TMEM184B: variants seen among roughly 807,000 people sequenced by gnomAD.
TMEM184B encodes transmembrane protein 184B.
In TMEM184B, 17 loss-of-function variants were observed where a neutral mutation model predicts 41.8. That is an observed-to-expected ratio of 0.41 (90% confidence interval 0.28 to 0.61). The LOEUF is 0.61. TMEM184B is among the 20% of genes least tolerant of loss of function. TMEM184B has a pLI of 0.34. For synonymous variants in TMEM184B, 240 were observed against 229.5 expected, an observed-to-expected ratio of 1.05 and a Z score of -0.41; for missense variants, 393 against 557.8, an observed-to-expected ratio of 0.70 and a Z score of 2.98.
At chr22:38,258,841 A>C (rs1442256220) in intron 1 of TMEM184B, among the ~76,000 whole-genome samples, 2 of 152,180 alleles carry the variant, frequency 1.3e-5, no homozygotes, top group East Asian at 3.8e-4. Context: ...AGCGTTCTGA[A>C]TTCTAGAACA....
At position 38,220,060 on chromosome 22, in the gene TMEM184B, T is replaced by A; in HGVS notation, c.*1409A>T. On this transcript the variant is annotated 3_prime_UTR_variant, in exon 9 of 9. Coordinates refer to ENST00000361906, the MANE Select transcript of TMEM184B (RefSeq NM_012264.5). ...CCCTTACCCTACCAGCTTCTCCAGGTGACTGCAGCCCAAACCCAGGGATAA... is the reference window on the plus strand; with the variant it reads ...CCCTTACCCTACCAGCTTCTCCAGGAGACTGCAGCCCAAACCCAGGGATAA... The A allele has an allele frequency of 1.0e-6, 1 of 985,470 alleles. No homozygotes were observed. The highest frequency in any genetic ancestry group is 1.2e-6 in the Non-Finnish European group (1 of 829,992). 61.0% of individuals were successfully genotyped at this position (985,470 alleles called of 1,614,324 possible). A position where few individuals can be genotyped will look rare whatever the true frequency, so the allele number is the denominator to read the frequency against.
In TMEM184B at chr22:38,224,497, G is replaced by A. The variant is rs559962980; in HGVS notation, c.982+288C>T. ...GTAACCACAGTGTTGGGAGTTAGAA[G>A]CCCGAGGGAATTTGTCTATTCATTA... is the stretch of plus-strand genomic sequence containing the variant. On this transcript the variant is annotated intron_variant, in intron 8 of 8. Transcript: ENST00000361906. Among the ~76,000 whole-genome samples the A allele has an allele frequency of 2.6e-5, 4 of 152,340 alleles. No homozygotes were observed. The South Asian group carries it at 8.3e-4, about 32-fold the overall frequency.
At chr22:38,266,102 T>A (rs973529454) in intron 1 of TMEM184B, among the ~76,000 whole-genome samples, 1 of 152,056 alleles carries the variant, frequency 6.6e-6, no homozygotes, top group Non-Finnish European at 1.5e-5. Context: ...CTTCCGGAGG[T>A]CTCACTGCAC....
chr22:38,224,739 C>A (rs868180528), intron 8 of TMEM184B, 46 bp downstream of exon 8: 2 of 1,521,088 alleles, frequency 1.3e-6, no homozygotes, highest in Admixed American at 4.0e-5. Flanking sequence ...ATGTTTGGGG[C>A]TCCCTGCTTC....
In TMEM184B at chr22:38,219,819, T is replaced by C; in HGVS notation, c.*1650A>G. ...CCTCAGCCTGTGTCTGCACCCACCC[T>C]CCCGGGCAGCTTGGGCCCAACTGCT... On this transcript the variant is annotated 3_prime_UTR_variant, in exon 9 of 9. Coordinates refer to ENST00000361906, the MANE Select transcript of TMEM184B (RefSeq NM_012264.5). 1 of 985,380 alleles carries C rather than the reference T, an allele frequency of 1.0e-6. No individual in the cohort carries two copies. Among genetic ancestry groups the C allele is most frequent in the Non-Finnish European group, 1.2e-6 (1 of 829,946 alleles). The allele number at this position is 985,380 out of a possible 1,614,324, so 61.0% of individuals were successfully genotyped here.
At chr22:38,237,384 C>T (rs1410877012) in intron 3 of TMEM184B, among the ~76,000 whole-genome samples, 1 of 152,238 alleles carries the variant, frequency 6.6e-6, no homozygotes, top group Non-Finnish European at 1.5e-5. Flanking sequence ...AATACACACT[C>T]GCTGTGTGCC....
At chr22:38,272,389 G>T in intron 1 of TMEM184B, 2 of 809,656 alleles carry the variant, frequency 2.5e-6, no homozygotes, top group Non-Finnish European at 3.0e-6. Flanking sequence ...GCGGACCTGT[G>T]TGGCGGGCGT....
At chr22:38,218,311 G>C (rs2091174872), downstream of TMEM184B, among the ~76,000 whole-genome samples, 1 of 152,160 alleles carries the variant, frequency 6.6e-6, no homozygotes. Context: ...ACGGCAATTG[G>C]GGTTTGAATC....
At chr22:38,234,095 A>C (rs2091708324) in intron 3 of TMEM184B, among the ~76,000 whole-genome samples, 1 of 152,028 alleles carries the variant, frequency 6.6e-6, no homozygotes, top group South Asian at 2.1e-4. Flanking sequence ...AGACTGCCAC[A>C]CCTCGTGATG....
intron 1 of TMEM184B, among the ~76,000 whole-genome samples, chr22:38,255,495 CA>C (rs2092262801): frequency 6.6e-6 from 1 of 152,238 alleles, no homozygotes; most frequent in Non-Finnish European, 1.5e-5. Flanking sequence ...ATAAAACTAA[CA>C]TGCATTTACT....
rs554795856 is a variant in TMEM184B, at chr22:38,232,853, C to T, written c.359-1519G>A. Among the ~76,000 whole-genome samples, 492 of 152,334 alleles carry T rather than the reference C, an allele frequency of 3.2e-3. 2 individuals carry two copies. The highest frequency in any genetic ancestry group is 0.011 in the African/African-American group (478 of 41,578). On this transcript the variant is annotated intron_variant, in intron 3 of 8. Coordinates refer to ENST00000361906, the MANE Select transcript of TMEM184B (RefSeq NM_012264.5). Reference sequence around the variant, plus strand: ...TCTGCACTCCCAGATCCCAGAGGTTCTAGCACCCTTCCCGCTGTACTCTCA... The same window carrying T: ...TCTGCACTCCCAGATCCCAGAGGTTTTAGCACCCTTCCCGCTGTACTCTCA...
At position 38,221,435 on chromosome 22, in the gene TMEM184B, A is replaced by T. The variant is rs900304936; in HGVS notation, c.*34T>A. The T allele has an allele frequency of 6.4e-7, 1 of 1,562,664 alleles. No homozygotes were observed. Among genetic ancestry groups the T allele is most frequent in the South Asian group, 1.2e-5 (1 of 83,268 alleles). ...GGTGGGGCACAGCCTGACCGTGGCT[A>T]TGGCGCCAGCACTTCCGCCACTGCA... On this transcript the variant is annotated 3_prime_UTR_variant, in exon 9 of 9. Transcript: ENST00000361906.
At chr22:38,248,993 C>T (rs2092103142) in intron 1 of TMEM184B, among the ~76,000 whole-genome samples, 3 of 152,176 alleles carry the variant, frequency 2.0e-5, no homozygotes, top group Admixed American at 6.5e-5. Context: ...CCATGTGCCA[C>T]CCCTCCTGAA....
chr22:38,250,268 G>T (rs887280849), intron 1 of TMEM184B, among the ~76,000 whole-genome samples: 1 of 152,242 alleles, frequency 6.6e-6, no homozygotes, highest in African/African-American at 2.4e-5. Flanking sequence ...CCTCGCCAAC[G>T]GCCGCAGCAT....
chr22:38,228,980 C>T (rs2091532273), intron 5 of TMEM184B, among the ~76,000 whole-genome samples: 1 of 152,244 alleles, frequency 6.6e-6, no homozygotes, highest in Admixed American at 6.5e-5. Context: ...ACCCTGAACC[C>T]AGGATAGTTT....
intron 3 of TMEM184B, among the ~76,000 whole-genome samples, chr22:38,235,459 C>T (rs1258417611): frequency 6.6e-6 from 1 of 152,222 alleles, no homozygotes; most frequent in African/African-American, 2.4e-5. Context: ...GAGGTCCCTC[C>T]GTAACCGGCT....
downstream of TMEM184B, among the ~76,000 whole-genome samples, chr22:38,217,099 G>A (rs940458783): frequency 1.3e-5 from 2 of 152,072 alleles, no homozygotes; most frequent in African/African-American, 4.8e-5. Context: ...GGCTGAGGCG[G>A]GTGGATCATT....
chr22:38,237,296 G>A (rs531003472), intron 3 of TMEM184B, among the ~76,000 whole-genome samples: 1 of 152,360 alleles, frequency 6.6e-6, no homozygotes, highest in Admixed American at 6.5e-5. Context: ...AAAAGACTCA[G>A]TACTTGCCCT....
In TMEM184B at chr22:38,221,513, C is replaced by A; in HGVS notation, c.1180G>T (p.Asp394Tyr). ...SRSHSLSGAR[D>Y]NEKTLLLSSD... ...CTGAGCAGGAGAGTCTTCTCGTTGT[C>A]GCGGGCGCCACTGAGGCTGTGGGAG... is the stretch of plus-strand genomic sequence containing the variant. Residue 394 changes from aspartate to tyrosine, a missense_variant, in exon 9 of 9, where the codon GAC becomes TAC. Asp to Tyr is a radical substitution (Grantham distance 160, BLOSUM62 -3). Around this residue, in one of 2 missense-constraint regions of TMEM184B, gnomAD observed 271 missense variants for 434.1 expected, o/e 0.62. Transcript: ENST00000361906. The A allele has an allele frequency of 6.2e-7, 1 of 1,613,200 alleles. No homozygotes were observed. The highest frequency in any genetic ancestry group is 8.5e-7 in the Non-Finnish European group (1 of 1,179,758).
Sources: allele counts gnomAD v4.1 joint callset (sites outside exome capture counted in the v4.1 genomes callset), GRCh38; gene constraint gnomAD v4.1.1; regional missense constraint gnomAD v4.1.1; transcripts MANE v1.5; gene names NCBI Gene and HGNC (gene_info 2026-07-23, HGNC 2026-07-21).